Variants in SHISAL2B observed in about 807,000 individuals in gnomAD.
SHISAL2B encodes the protein shisa like 2B.
A neutral mutation model predicts 16.5 loss-of-function variants in SHISAL2B; 12 were observed. The observed-to-expected ratio is 0.73, with a 90% CI of 0.47 to 1.18. The LOEUF (loss-of-function observed/expected upper bound fraction) is 1.18, where lower values mean the gene tolerates loss of function less well. SHISAL2B is among the 50% of genes most tolerant of loss of function. The probability of loss-of-function intolerance (pLI) is 0.00; values close to 1 mark genes in which losing one functional copy is unlikely to be tolerated. For missense variants in SHISAL2B, 183 were observed against 193.6 expected (o/e 0.95, Z 0.33); for synonymous variants, 72 against 75.0 (o/e 0.96, Z 0.21).
chr5:64,718,146 C>A lies in SHISAL2B; in HGVS notation c.*124C>A. 1.5e-6 allele frequency: 1 copy of A among 689,156 alleles called. No homozygotes were observed. The highest frequency in any genetic ancestry group is 2.2e-6 in the Non-Finnish European group (1 of 460,906). 42.7% of individuals were successfully genotyped at this position (689,156 alleles called of 1,614,324 possible). A position where few individuals can be genotyped will look rare whatever the true frequency, so the allele number is the denominator to read the frequency against. On this transcript the variant is annotated 3_prime_UTR_variant, in exon 3 of 3. Coordinates refer to ENST00000389074, the MANE Select transcript of SHISAL2B (RefSeq NM_001164442.2). ...TCACTCACAAAGCAAGACACAGCTG[C>A]ATTTTTGATCATTCAGTTACTTTAT... is the stretch of plus-strand genomic sequence containing the variant.
intron 2 of SHISAL2B, among the ~76,000 whole-genome samples, chr5:64,703,449 A>G (rs1175421574): frequency 6.6e-6 from 1 of 152,232 alleles, no homozygotes; most frequent in Non-Finnish European, 1.5e-5. Flanking sequence ...AAATTGCTCA[A>G]TAGAGCTACT....
chr5:64,715,264 T>C (rs1742029436), intron 2 of SHISAL2B, among the ~76,000 whole-genome samples: 1 of 151,516 alleles, frequency 6.6e-6, no homozygotes, highest in South Asian at 2.1e-4. Flanking sequence ...AGTATTAGCA[T>C]ACTTAAAGGC....
In SHISAL2B at chr5:64,690,804, T is replaced by C. The variant is rs760152424; in HGVS notation, c.181T>C (p.Trp61Arg). ...CTTCCCCTACAAGCACAGCTACATG[T>C]GGAGCCTCAGGTGGGCTGAGAGCCC... ...SYFPYKHSYMWSLSIGALIGL... is the reference protein window; with the variant it reads ...SYFPYKHSYMRSLSIGALIGL... Residue 61 changes from tryptophan to arginine, a missense_variant, in exon 1 of 3, where the codon TGG (tryptophan) becomes CGG (arginine). Physicochemically the swap from Trp to Arg is moderately radical, Grantham distance 101 (BLOSUM62 -3). Transcript: ENST00000389074. 1 of 1,533,080 alleles carries C rather than the reference T, an allele frequency of 6.5e-7. No homozygotes were observed. The allele number at this position is 1,533,080 out of a possible 1,614,324, so 95.0% of individuals were successfully genotyped here. A position where few individuals can be genotyped will look rare whatever the true frequency, so the allele number is the denominator to read the frequency against.
chr5:64,695,871 A>G (rs143153533), intron 2 of SHISAL2B, among the ~76,000 whole-genome samples: 2 of 152,354 alleles, frequency 1.3e-5, no homozygotes, highest in South Asian at 2.1e-4. Context: ...GCAGGATGTA[A>G]TTATTCTCAT....
chr5:64,695,753 A>T, intron 2 of SHISAL2B, 89 bp downstream of exon 2: 1 of 1,005,986 alleles, frequency 9.9e-7, no homozygotes, highest in Non-Finnish European at 1.3e-6. Context: ...TTAACAATGA[A>T]TGCTTTTTAA....
chr5:64,694,597 A>G (rs1456226667), intron 1 of SHISAL2B, among the ~76,000 whole-genome samples: 2 of 152,234 alleles, frequency 1.3e-5, no homozygotes, highest in African/African-American at 4.8e-5. Flanking sequence ...ATTTATTTTT[A>G]GAGAAAAATA....
At chr5:64,716,883 T>TAAAG (rs1331388965) in intron 2 of SHISAL2B, among the ~76,000 whole-genome samples, 5 of 152,206 alleles carry the variant, frequency 3.3e-5, no homozygotes, top group Non-Finnish European at 7.4e-5. Flanking sequence ...ACTTATTTTT[T>TAAAG]AAAGAATAGC....
intron 2 of SHISAL2B, among the ~76,000 whole-genome samples, chr5:64,707,762 CA>C (rs1741893984): frequency 6.6e-6 from 1 of 152,116 alleles, no homozygotes; most frequent in Non-Finnish European, 1.5e-5. Flanking sequence ...AAAAACAAAA[CA>C]AAAGATCAGC....
chr5:64,717,660 G>A (rs1742076382), intron 2 of SHISAL2B, among the ~76,000 whole-genome samples: 1 of 152,094 alleles, frequency 6.6e-6, no homozygotes, highest in South Asian at 2.1e-4. Context: ...GAGGAAAAAA[G>A]GTAAGCATGG....
At chr5:64,714,511 C>G (rs1742007868) in intron 2 of SHISAL2B, among the ~76,000 whole-genome samples, 2 of 151,636 alleles carry the variant, frequency 1.3e-5, no homozygotes, top group African/African-American at 4.9e-5. Context: ...GTGCCCTGCC[C>G]CCAGAGGTGG....
chr5:64,697,878 T>C (rs947159915), intron 2 of SHISAL2B, among the ~76,000 whole-genome samples: 6 of 152,210 alleles, frequency 3.9e-5, no homozygotes, highest in African/African-American at 1.4e-4. Context: ...ACATCACCAC[T>C]GTGTGATTGC....
At chr5:64,702,070 C>T (rs987637834) in intron 2 of SHISAL2B, among the ~76,000 whole-genome samples, 1 of 151,888 alleles carries the variant, frequency 6.6e-6, no homozygotes, top group Admixed American at 6.6e-5. Flanking sequence ...AGAAAGTTTT[C>T]CCCTCACCAA....
At chr5:64,704,688 A>G (rs890019363) in intron 2 of SHISAL2B, among the ~76,000 whole-genome samples, 1 of 152,166 alleles carries the variant, frequency 6.6e-6, no homozygotes, top group Admixed American at 6.5e-5. Flanking sequence ...AATTGAATCC[A>G]TGTTGTTACC....
chr5:64,699,058 GT>G (rs1741774052), intron 2 of SHISAL2B, among the ~76,000 whole-genome samples: 1 of 152,174 alleles, frequency 6.6e-6, no homozygotes, highest in African/African-American at 2.4e-5. Context: ...GTTGATTCAA[GT>G]TTTGTGTTCT....
chr5:64,700,442 G>T (rs567493106), intron 2 of SHISAL2B, among the ~76,000 whole-genome samples: 5 of 152,018 alleles, frequency 3.3e-5, no homozygotes, highest in Admixed American at 1.3e-4. Flanking sequence ...ACAGAGTCTC[G>T]CTCTGTTGCC....
chr5:64,708,162 C>T (rs138928511), intron 2 of SHISAL2B, among the ~76,000 whole-genome samples: 1 of 152,184 alleles, frequency 6.6e-6, no homozygotes, highest in Non-Finnish European at 1.5e-5. Flanking sequence ...TTTGGGAACA[C>T]ATACCAATAA....
At chr5:64,708,479 A>G (rs977796062) in intron 2 of SHISAL2B, among the ~76,000 whole-genome samples, 1 of 152,164 alleles carries the variant, frequency 6.6e-6, no homozygotes, top group African/African-American at 2.4e-5. Flanking sequence ...GAGAGAAAAG[A>G]CTTAATTTCC....
At chr5:64,697,021 C>T (rs1267440155) in intron 2 of SHISAL2B, among the ~76,000 whole-genome samples, 6 of 152,186 alleles carry the variant, frequency 3.9e-5, no homozygotes, top group Non-Finnish European at 8.8e-5. Context: ...AGGTGGGCAT[C>T]ACCATCCTAC....
chr5:64,695,512 G>T lies in SHISAL2B; in HGVS notation c.197G>T (p.Gly66Val), dbSNP rs903297612. The change falls in exon 2 of 3, where the codon GGT (glycine) becomes GTT (valine). Residue 66 changes from glycine to valine, a missense_variant. Physicochemically the swap from Gly to Val is moderately radical, Grantham distance 109. Coordinates refer to ENST00000389074, the MANE Select transcript of SHISAL2B (RefSeq NM_001164442.2). ...TTTTTTTCTGTTTTCCTCAGCATTG[G>T]TGCCTTGATTGGACTAGGAATTGCT... ...KHSYMWSLSI[G>V]ALIGLGIAAL... 5 of 1,531,680 alleles carry T rather than the reference G, an allele frequency of 3.3e-6. No individual in the cohort carries two copies. In the East Asian group the frequency reaches 7.3e-5, roughly 23 times the overall value. The allele number at this position is 1,531,680 out of a possible 1,614,324, so 94.9% of individuals were successfully genotyped here.
Sources: gnomAD v4.1 joint callset for allele counts (sites outside exome capture counted in the v4.1 genomes callset) on GRCh38, gnomAD v4.1.1 for gene constraint, MANE v1.5 for transcripts, NCBI Gene and HGNC (gene_info 2026-07-23, HGNC 2026-07-21) for gene names.